PDGFC: variants seen among roughly 807,000 people sequenced by gnomAD.
The protein encoded by PDGFC is platelet derived growth factor C, also known as platelet-derived growth factor C.
Under a neutral mutation model 35.5 loss-of-function variants are expected in PDGFC, and 12 were observed. That is an observed-to-expected ratio of 0.34 (90% CI 0.22 to 0.55). The LOEUF is 0.55. Among genes scored for constraint, PDGFC ranks in the 20% least tolerant of loss-of-function variants. The pLI is 0.91. For synonymous variants in PDGFC, 159 were observed against 148.8 expected (o/e 1.07, Z -0.50); for missense variants, 322 against 412.4 (o/e 0.78, Z 1.90).
intron 2 of PDGFC, among the ~76,000 whole-genome samples, chr4:156,842,991 C>T (rs1729240488): frequency 6.6e-6 from 1 of 152,120 alleles, no homozygotes; most frequent in African/African-American, 2.4e-5. Flanking sequence ...ACTATGTTTG[C>T]CTACACAACT....
chr4:156,929,347 C>T lies in PDGFC; in HGVS notation c.118+41439G>A, dbSNP rs140280877. Among the ~76,000 whole-genome samples, 8 of 151,756 alleles carry T rather than the reference C, an allele frequency of 5.3e-5. No individual in the cohort carries two copies. In the East Asian group the frequency reaches 1.6e-3, roughly 30 times the overall value. On this transcript the variant is annotated intron_variant, in intron 1 of 5. Coordinates refer to ENST00000502773, the MANE Select transcript of PDGFC (RefSeq NM_016205.3). Reference sequence around the variant, plus strand: ...CAGAACAAAAATGCATTCTATATCCCAACCTATCTATGTGAGATATTAGTT... The same window carrying T: ...CAGAACAAAAATGCATTCTATATCCTAACCTATCTATGTGAGATATTAGTT...
chr4:156,868,938 CA>C (rs1189635929), intron 1 of PDGFC, among the ~76,000 whole-genome samples: 1 of 152,150 alleles, frequency 6.6e-6, no homozygotes, highest in Non-Finnish European at 1.5e-5. Flanking sequence ...CACAAAATCA[CA>C]TTCCAAAATG....
intron 1 of PDGFC, among the ~76,000 whole-genome samples, chr4:156,902,505 A>C (rs1256040716): frequency 6.6e-6 from 1 of 152,216 alleles, no homozygotes; most frequent in Non-Finnish European, 1.5e-5. Context: ...CATAAACAAT[A>C]TACCTTATTG....
chr4:156,945,375 ATATATATATATATATAATC>A (rs1238275856), intron 1 of PDGFC, among the ~76,000 whole-genome samples: 1 of 129,856 alleles, frequency 7.7e-6, no homozygotes, highest in African/African-American at 3.1e-5. Context: ...ATATATATAT[ATATATATATATATATAATC>A]AGTAGGGAAA....
chr4:156,829,975 C>T (rs1226982885), intron 2 of PDGFC, among the ~76,000 whole-genome samples: 1 of 151,996 alleles, frequency 6.6e-6, no homozygotes, highest in African/African-American at 2.4e-5. Flanking sequence ...AGTACTACTT[C>T]ACTAATTTAA....
At chr4:156,934,054 T>G (rs1731618816) in intron 1 of PDGFC, among the ~76,000 whole-genome samples, 1 of 152,228 alleles carries the variant, frequency 6.6e-6, no homozygotes, top group Admixed American at 6.5e-5. Flanking sequence ...TAAGCTTCCT[T>G]CAGGCATGAA....
chr4:156,804,838 C>T (rs1731716610), intron 3 of PDGFC, among the ~76,000 whole-genome samples: 1 of 151,970 alleles, frequency 6.6e-6, no homozygotes, highest in African/African-American at 2.4e-5. Flanking sequence ...TAACTCCAAG[C>T]TTTTAAATCT....
intron 2 of PDGFC, among the ~76,000 whole-genome samples, chr4:156,833,639 C>T (rs1260556309): frequency 6.6e-6 from 1 of 152,084 alleles, no homozygotes; most frequent in African/African-American, 2.4e-5. Context: ...GTAACTTTTT[C>T]GTTTTGCCTA....
At chr4:156,946,874 G>A (rs1731961053) in intron 1 of PDGFC, among the ~76,000 whole-genome samples, 1 of 151,950 alleles carries the variant, frequency 6.6e-6, no homozygotes, top group South Asian at 2.1e-4. Context: ...CAGACCAAAA[G>A]CAGTAAGAAG....
chr4:156,793,997 C>T (rs1482106999), intron 3 of PDGFC, among the ~76,000 whole-genome samples: 2 of 152,026 alleles, frequency 1.3e-5, no homozygotes, highest in Non-Finnish European at 2.9e-5. Context: ...TTAGTAGCAT[C>T]CAAGGTCTTA....
chr4:156,870,768 G>A (rs1452567668), intron 1 of PDGFC, among the ~76,000 whole-genome samples: 2 of 152,060 alleles, frequency 1.3e-5, no homozygotes, highest in African/African-American at 4.8e-5. Flanking sequence ...GTAACTAAGT[G>A]ACTTTCTCAC....
intron 3 of PDGFC, among the ~76,000 whole-genome samples, chr4:156,797,081 C>T (rs960323261): frequency 4.6e-5 from 7 of 151,584 alleles, no homozygotes; most frequent in South Asian, 2.1e-4. Flanking sequence ...ACTAAAAATA[C>T]GAAAAGATTA....
intron 5 of PDGFC, among the ~76,000 whole-genome samples, chr4:156,765,738 T>G (rs2110790100): frequency 6.6e-6 from 1 of 152,320 alleles, no homozygotes; most frequent in East Asian, 1.9e-4. Flanking sequence ...CCTGTAGATC[T>G]TTTGGCCAGA....
intron 1 of PDGFC, among the ~76,000 whole-genome samples, chr4:156,878,426 T>C (rs1335825493): frequency 6.6e-6 from 1 of 152,208 alleles, no homozygotes; most frequent in Non-Finnish European, 1.5e-5. Flanking sequence ...AAATTTTTAT[T>C]AAAAATTACA....
chr4:156,921,233 A>G (rs1731273599), intron 1 of PDGFC, among the ~76,000 whole-genome samples: 1 of 152,206 alleles, frequency 6.6e-6, no homozygotes, highest in Non-Finnish European at 1.5e-5. Flanking sequence ...GAACTGCCGC[A>G]TGCGTGAAAT....
At chr4:156,945,342 CATATATATATATATATATATAT>C (rs201167463) in intron 1 of PDGFC, among the ~76,000 whole-genome samples, 3,015 of 81,082 alleles carry the variant, frequency 0.037, 170 homozygotes, top group African/African-American at 0.11. Flanking sequence ...CATATACATA[CATATATATATATATATATATAT>C]ATATATATAT....
At chr4:156,835,129 T>G (rs1206372058) in intron 2 of PDGFC, among the ~76,000 whole-genome samples, 2 of 152,210 alleles carry the variant, frequency 1.3e-5, no homozygotes, top group Non-Finnish European at 2.9e-5. Context: ...AAATTGATTT[T>G]CTTAAACTGA....
At position 156,767,900 on chromosome 4, in the gene PDGFC, C is replaced by T. The variant is rs138079287; in HGVS notation, c.794G>A (p.Arg265Lys). 3.1e-6 allele frequency: 5 copies of T among 1,612,718 alleles called. No individual in the cohort carries two copies. In the Middle Eastern group the frequency reaches 4.9e-4, roughly 159 times the overall value. The change falls in exon 5 of 6, where the codon AGA (arginine) becomes AAA (lysine). Residue 265 changes from arginine to lysine, a missense_variant. This residue lies in a region of PDGFC where 202 missense variants were observed against 295.9 expected (regional missense o/e 0.68). Transcript: ENST00000502773. ...ACCTGGCCAGAAAATGGTATCGGTT[C>T]TCTTTAGTTCTTCCCTTATGGACAC... ...FSVSIREELK[R>K]TDTIFWPGCL...
chr4:156,946,056 T>A (rs923861158), intron 1 of PDGFC, among the ~76,000 whole-genome samples: 2 of 152,086 alleles, frequency 1.3e-5, no homozygotes, highest in South Asian at 2.1e-4. Context: ...GTAACATTTG[T>A]TATATTTATG....
Sources: allele counts gnomAD v4.1 joint callset (sites outside exome capture counted in the v4.1 genomes callset), GRCh38; gene constraint gnomAD v4.1.1; regional missense constraint gnomAD v4.1.1; transcripts MANE v1.5; gene names NCBI Gene and HGNC (gene_info 2026-07-23, HGNC 2026-07-21).